The following GLRA3 variants were observed in gnomAD, a reference collection of about 807,000 sequenced individuals.
The protein encoded by GLRA3 is glycine receptor subunit alpha-3.
Under a neutral mutation model 60.4 loss-of-function variants are expected in GLRA3, and 44 were observed. That is an observed-to-expected ratio of 0.73 (90% confidence interval 0.57 to 0.94). GLRA3 has a LOEUF of 0.94. Among genes scored for constraint, GLRA3 ranks in the 40% least tolerant of loss-of-function variants. The pLI is 0.00. For synonymous variants in GLRA3, 223 were observed against 192.9 expected, an observed-to-expected ratio of 1.16 and a Z score of -1.29; for missense variants, 508 against 564.6, an observed-to-expected ratio of 0.90 and a Z score of 1.02.
chr4:174,715,871 G>C (rs778075254), intron 4 of GLRA3, among the ~76,000 whole-genome samples: 2 of 152,202 alleles, frequency 1.3e-5, no homozygotes, highest in Admixed American at 6.5e-5. Context: ...TAAGCATCCC[G>C]TCATATTTAT....
chr4:174,637,449 T>C lies in GLRA3; in HGVS notation c.*6337A>G, dbSNP rs921273807. The C allele has an allele frequency of 3.3e-5, 5 of 152,114 alleles. No individual in the cohort carries two copies. The highest frequency in any genetic ancestry group is 1.2e-4 in the African/African-American group (5 of 41,430). The allele number at this position is 152,114 out of a possible 1,614,324, so 9.4% of individuals were successfully genotyped here. On this transcript the variant is annotated 3_prime_UTR_variant, in exon 10 of 10. Coordinates refer to ENST00000274093, the MANE Select transcript of GLRA3 (RefSeq NM_006529.4). ...TAAGTAATGACCATTGAATAATTCATAGAGAAAAAAGTGAAGAAGTGCAAA... is the reference window on the plus strand; with the variant it reads ...TAAGTAATGACCATTGAATAATTCACAGAGAAAAAAGTGAAGAAGTGCAAA...
chr4:174,733,080 C>T (rs1371040651), intron 3 of GLRA3, among the ~76,000 whole-genome samples: 2 of 152,066 alleles, frequency 1.3e-5, no homozygotes, highest in South Asian at 4.2e-4. Flanking sequence ...TCATAAGAAT[C>T]CTTATAGCTG....
intron 1 of GLRA3, 64 bp downstream of exon 1, chr4:174,828,677 A>G (rs921210584): frequency 2.1e-6 from 2 of 956,212 alleles, no homozygotes; most frequent in Non-Finnish European, 3.4e-6. Context: ...ATCAATAACA[A>G]GTGGTTGCAA....
intron 1 of GLRA3, among the ~76,000 whole-genome samples, chr4:174,799,711 C>T (rs1408238788): frequency 3.9e-5 from 6 of 152,124 alleles, no homozygotes; most frequent in Non-Finnish European, 8.8e-5. Flanking sequence ...GCAATACTAA[C>T]CCCAGGTTGC....
At chr4:174,692,359 A>G (rs1369160456) in intron 5 of GLRA3, among the ~76,000 whole-genome samples, 2 of 147,590 alleles carry the variant, frequency 1.4e-5, no homozygotes, top group Non-Finnish European at 3.0e-5. Context: ...CGTCCGGGAG[A>G]TGAGGGGCGC....
chr4:174,694,681 G>C (rs1734982031), intron 5 of GLRA3, among the ~76,000 whole-genome samples: 1 of 151,966 alleles, frequency 6.6e-6, no homozygotes, highest in Non-Finnish European at 1.5e-5. Flanking sequence ...AAGAATTAGA[G>C]AAGCAAAAAC....
intron 2 of GLRA3, among the ~76,000 whole-genome samples, chr4:174,776,245 C>T (rs529107259): frequency 1.4e-4 from 21 of 152,092 alleles, no homozygotes; most frequent in Non-Finnish European, 3.1e-4. Flanking sequence ...AATGCCTAGT[C>T]GAAGCTCAAC....
At chr4:174,685,676 C>A (rs1425801158) in intron 5 of GLRA3, among the ~76,000 whole-genome samples, 1 of 152,070 alleles carries the variant, frequency 6.6e-6, no homozygotes, top group South Asian at 2.1e-4. Context: ...TAATAGAAAG[C>A]TTTCACTTTC....
chr4:174,775,233 A>G (rs866980864), intron 2 of GLRA3, among the ~76,000 whole-genome samples: 1 of 152,146 alleles, frequency 6.6e-6, no homozygotes, highest in Non-Finnish European at 1.5e-5. Context: ...GTTATTCAAG[A>G]ACAATAGTGT....
intron 4 of GLRA3, among the ~76,000 whole-genome samples, chr4:174,719,288 T>C (rs907776342): frequency 2.0e-5 from 3 of 152,182 alleles, no homozygotes; most frequent in African/African-American, 7.2e-5. Context: ...TTAAGTATAC[T>C]GCCTCTCAAA....
chr4:174,742,938 C>A (rs1347689259), intron 3 of GLRA3, among the ~76,000 whole-genome samples: 1 of 152,024 alleles, frequency 6.6e-6, no homozygotes, highest in Non-Finnish European at 1.5e-5. Flanking sequence ...CTTTACCCTC[C>A]CCATTTAAAA....
chr4:174,728,303 G>A (rs1013265882), intron 4 of GLRA3, among the ~76,000 whole-genome samples, 172 bp downstream of exon 4: 1 of 152,122 alleles, frequency 6.6e-6, no homozygotes, highest in Non-Finnish European at 1.5e-5. Flanking sequence ...TCTGGAACTT[G>A]GGTCTGTTAT....
chr4:174,672,329 A>C (rs555072244), intron 7 of GLRA3, among the ~76,000 whole-genome samples: 23 of 152,208 alleles, frequency 1.5e-4, no homozygotes, highest in African/African-American at 5.5e-4. Context: ...GGAGACCGAA[A>C]ACTTAAACAA....
chr4:174,696,348 A>AT (rs1209219592), intron 5 of GLRA3, among the ~76,000 whole-genome samples: 31 of 151,502 alleles, frequency 2.0e-4, no homozygotes, highest in African/African-American at 7.5e-4. Flanking sequence ...ATAAAGCATA[A>AT]TTTTTAAAGA....
intron 3 of GLRA3, among the ~76,000 whole-genome samples, chr4:174,732,788 T>A (rs1296140677): frequency 6.6e-6 from 1 of 151,956 alleles, no homozygotes; most frequent in Non-Finnish European, 1.5e-5. Flanking sequence ...TATATATATA[T>A]ATATTTATGT....
At chr4:174,772,585 A>C (rs1412277622) in intron 2 of GLRA3, among the ~76,000 whole-genome samples, 1 of 152,224 alleles carries the variant, frequency 6.6e-6, no homozygotes, top group Non-Finnish European at 1.5e-5. Flanking sequence ...AGATAGACAC[A>C]TATGCATAAA....
chr4:174,695,185 A>G (rs1360590868), intron 5 of GLRA3, among the ~76,000 whole-genome samples: 2 of 152,030 alleles, frequency 1.3e-5, no homozygotes, highest in Non-Finnish European at 2.9e-5. Context: ...TACCATTTTT[A>G]CAGAAGCTAT....
chr4:174,816,375 C>T (rs1408171240), intron 1 of GLRA3, among the ~76,000 whole-genome samples: 1 of 152,158 alleles, frequency 6.6e-6, no homozygotes, highest in Non-Finnish European at 1.5e-5. Flanking sequence ...TTGGAAAGCC[C>T]TGCCCCAGAA....
At chr4:174,779,878 G>A (rs1310480486) in intron 2 of GLRA3, among the ~76,000 whole-genome samples, 2 of 152,032 alleles carry the variant, frequency 1.3e-5, no homozygotes, top group Non-Finnish European at 2.9e-5. Flanking sequence ...AACCAAGTTG[G>A]AAAACACTCT....
Sources: gnomAD v4.1 joint callset for allele counts (sites outside exome capture counted in the v4.1 genomes callset) on GRCh38, gnomAD v4.1.1 for gene constraint, MANE v1.5 for transcripts, NCBI Gene and HGNC (gene_info 2026-07-23, HGNC 2026-07-21) for gene names.